Variants in NDST3 observed in about 807,000 individuals in gnomAD.
The protein encoded by NDST3 is bifunctional heparan sulfate N-deacetylase/N-sulfotransferase 3.
Under a neutral mutation model 96.1 loss-of-function variants are expected in NDST3, and 58 were observed. The observed-to-expected ratio is 0.60, with a 90% CI of 0.49 to 0.75. NDST3 has a LOEUF of 0.75. Among genes scored for constraint, NDST3 ranks in the 30% least tolerant of loss-of-function variants. The pLI is 0.00. For synonymous variants in NDST3, 333 were observed against 359.7 expected, an observed-to-expected ratio of 0.93 and a Z score of 0.84; for missense variants, 788 against 1,034.2, an observed-to-expected ratio of 0.76 and a Z score of 3.27.
At chr4:118,105,576 A>C (rs991884858) in intron 3 of NDST3, among the ~76,000 whole-genome samples, 3 of 152,202 alleles carry the variant, frequency 2.0e-5, no homozygotes, top group Non-Finnish European at 4.4e-5. Flanking sequence ...ATCTGTATCC[A>C]GCTCATTTTG....
At chr4:118,199,858 G>A (rs1250199360) in intron 6 of NDST3, among the ~76,000 whole-genome samples, 3 of 151,994 alleles carry the variant, frequency 2.0e-5, no homozygotes, top group Admixed American at 1.3e-4. Context: ...AGAATTATCT[G>A]GATTACCGGA....
At chr4:118,238,502 C>T (rs1209550198) in intron 10 of NDST3, among the ~76,000 whole-genome samples, 1 of 152,120 alleles carries the variant, frequency 6.6e-6, no homozygotes, top group Non-Finnish European at 1.5e-5. Context: ...TCAAAATTAA[C>T]ATAAGAACAT....
At chr4:118,188,688 C>G (rs936447080) in intron 6 of NDST3, among the ~76,000 whole-genome samples, 2 of 152,148 alleles carry the variant, frequency 1.3e-5, no homozygotes, top group Non-Finnish European at 2.9e-5. Context: ...GTCAGTTTCT[C>G]ATTAGATTTC....
chr4:118,066,437 A>G (rs372947547), intron 2 of NDST3, among the ~76,000 whole-genome samples: 3 of 9,698 alleles, frequency 3.1e-4, no homozygotes, highest in African/African-American at 3.8e-4. Flanking sequence ...TATATCATAT[A>G]TCATATGTTA....
intron 6 of NDST3, among the ~76,000 whole-genome samples, chr4:118,170,767 T>C (rs964398919): frequency 6.6e-6 from 1 of 152,158 alleles, no homozygotes; most frequent in Non-Finnish European, 1.5e-5. Flanking sequence ...TGGTGAACTG[T>C]AAGTAATCAG....
chr4:118,049,118 T>C (rs1300505152), intron 1 of NDST3, among the ~76,000 whole-genome samples: 1 of 152,140 alleles, frequency 6.6e-6, no homozygotes, highest in Non-Finnish European at 1.5e-5. Flanking sequence ...TGCTCCTGAA[T>C]AACTCCTTGG....
chr4:118,064,339 T>C (rs1382804064), intron 2 of NDST3, among the ~76,000 whole-genome samples: 1 of 152,162 alleles, frequency 6.6e-6, no homozygotes, highest in Non-Finnish European at 1.5e-5. Flanking sequence ...GAAACATGAA[T>C]TAGTAGCTAA....
chr4:118,197,922 C>T (rs544377988), intron 6 of NDST3, among the ~76,000 whole-genome samples: 3 of 151,562 alleles, frequency 2.0e-5, no homozygotes, highest in Non-Finnish European at 4.4e-5. Flanking sequence ...GCCTCAGCCT[C>T]CTGAGTAGCT....
intron 2 of NDST3, among the ~76,000 whole-genome samples, chr4:118,067,945 G>GA (rs1026903676): frequency 4.6e-5 from 7 of 151,100 alleles, no homozygotes; most frequent in Admixed American, 2.0e-4. Flanking sequence ...AAAGAAAAAA[G>GA]AAAAAAAAGA....
intron 2 of NDST3, among the ~76,000 whole-genome samples, chr4:118,068,166 CTTTTTTTTTTTT>C (rs34891564): frequency 2.4e-5 from 2 of 84,310 alleles, no homozygotes; most frequent in Admixed American, 1.6e-4. Flanking sequence ...TACTTGATCT[CTTTTTTTTTTTT>C]TTTTTTTTTT....
intron 2 of NDST3, among the ~76,000 whole-genome samples, chr4:118,064,898 C>T (rs1726184217): frequency 6.6e-6 from 1 of 152,150 alleles, no homozygotes; most frequent in African/African-American, 2.4e-5. Flanking sequence ...ATTCCGCACA[C>T]ATTCCTTGGC....
intron 4 of NDST3, among the ~76,000 whole-genome samples, chr4:118,122,408 A>T (rs573532561): frequency 6.6e-6 from 1 of 152,320 alleles, no homozygotes; most frequent in South Asian, 2.1e-4. Context: ...TCAATTTCAC[A>T]TGAGTGCTAA....
intron 8 of NDST3, among the ~76,000 whole-genome samples, chr4:118,230,083 G>T (rs1313166711): frequency 1.3e-5 from 2 of 152,088 alleles, no homozygotes; most frequent in Admixed American, 6.5e-5. Context: ...CACACAGCTG[G>T]TAAGTACAAG....
intron 2 of NDST3, among the ~76,000 whole-genome samples, chr4:118,084,869 C>T (rs1042750368): frequency 1.3e-5 from 2 of 152,106 alleles, no homozygotes; most frequent in Non-Finnish European, 2.9e-5. Context: ...GCCTGTAATC[C>T]CAGCACTTTG....
chr4:118,074,511 T>C (rs1371156476), intron 2 of NDST3, among the ~76,000 whole-genome samples: 2 of 152,164 alleles, frequency 1.3e-5, no homozygotes, highest in African/African-American at 2.4e-5. Context: ...TTCTTTGTCA[T>C]TTTTGATCAT....
chr4:118,146,734 C>T (rs528285790), intron 6 of NDST3, among the ~76,000 whole-genome samples: 1 of 152,290 alleles, frequency 6.6e-6, no homozygotes, highest in African/African-American at 2.4e-5. Flanking sequence ...TGAGCTTTTC[C>T]AATGTCACAG....
chr4:118,097,004 G>T (rs1420263297), intron 2 of NDST3, among the ~76,000 whole-genome samples: 1 of 151,944 alleles, frequency 6.6e-6, no homozygotes, highest in Non-Finnish European at 1.5e-5. Flanking sequence ...AAAATAGTCA[G>T]TCTTTTTGTT....
chr4:118,169,043 A>G (rs972150794), intron 6 of NDST3, among the ~76,000 whole-genome samples: 2 of 152,224 alleles, frequency 1.3e-5, no homozygotes, highest in African/African-American at 4.8e-5. Context: ...TACAACACAC[A>G]CACCTATAAT....
At chr4:118,144,773 G>T (rs1048387382) in intron 6 of NDST3, among the ~76,000 whole-genome samples, 1 of 151,788 alleles carries the variant, frequency 6.6e-6, no homozygotes. Flanking sequence ...AGTGAAAAAA[G>T]TTGGATAGGG....
Sources: allele counts gnomAD v4.1 joint callset (sites outside exome capture counted in the v4.1 genomes callset), GRCh38; gene constraint gnomAD v4.1.1; transcripts MANE v1.5; gene names NCBI Gene and HGNC (gene_info 2026-07-23, HGNC 2026-07-21).